Variants in R3HDM1 observed in about 807,000 individuals in gnomAD.
R3HDM1 encodes R3H domain-containing protein 1.
R3HDM1 carries 46 observed loss-of-function variants against 141.1 expected under a neutral mutation model. That is an observed-to-expected ratio of 0.33 (90% CI 0.26 to 0.42). The LOEUF is 0.42. Ranked by LOEUF, R3HDM1 falls within the 10% of genes least tolerant of loss-of-function variation. The pLI is 1.00. For missense variants in R3HDM1, 1,184 were observed against 1,368.3 expected, an observed-to-expected ratio of 0.87 and a Z score of 2.12; for synonymous variants, 435 against 472.9, an observed-to-expected ratio of 0.92 and a Z score of 1.04.
At chr2:135,688,893 AC>A (rs1458067707) in intron 21 of R3HDM1, among the ~76,000 whole-genome samples, 1 of 152,184 alleles carries the variant, frequency 6.6e-6, no homozygotes, top group African/African-American at 2.4e-5. Flanking sequence ...CCGAGATGGC[AC>A]CACTGCGCTC....
chr2:135,698,520 T>C (rs7580874), intron 21 of R3HDM1, among the ~76,000 whole-genome samples: 18,509 of 152,182 alleles, frequency 0.12, 2,852 homozygotes, highest in African/African-American at 0.36. Context: ...TGAAGTTACA[T>C]AGATAATTAT....
intron 18 of R3HDM1, 51 bp from the exon 19 acceptor site, chr2:135,661,219 A>G (rs774561896): frequency 2.5e-6 from 4 of 1,600,454 alleles, no homozygotes; most frequent in African/African-American, 1.3e-5. Flanking sequence ...ACAGAAAAAC[A>G]TATGTAATGC....
intron 1 of R3HDM1, among the ~76,000 whole-genome samples, chr2:135,577,780 A>G (rs1472500256): frequency 9.3e-5 from 14 of 149,850 alleles, no homozygotes; most frequent in African/African-American, 3.4e-4. Context: ...AGAGGTTACG[A>G]CGAGCCAAGA....
intron 1 of R3HDM1, among the ~76,000 whole-genome samples, chr2:135,571,779 A>G (rs1400293680): frequency 6.6e-6 from 1 of 151,906 alleles, no homozygotes; most frequent in Non-Finnish European, 1.5e-5. Context: ...GGCACACTCT[A>G]CCATACTGGC....
At chr2:135,646,329 G>T (rs1335499350) in intron 16 of R3HDM1, among the ~76,000 whole-genome samples, 1 of 150,616 alleles carries the variant, frequency 6.6e-6, no homozygotes, top group Non-Finnish European at 1.5e-5. Context: ...TAGAGACTGG[G>T]TTTCACCATG....
intron 21 of R3HDM1, among the ~76,000 whole-genome samples, chr2:135,690,528 A>T: frequency 6.6e-6 from 1 of 152,174 alleles, no homozygotes; most frequent in East Asian, 1.9e-4. Flanking sequence ...TTTTAAACTG[A>T]GCAAACCAAT....
chr2:135,691,897 T>C (rs1277285618), intron 21 of R3HDM1, among the ~76,000 whole-genome samples: 1 of 152,066 alleles, frequency 6.6e-6, no homozygotes, highest in Non-Finnish European at 1.5e-5. Context: ...ATATAATCAC[T>C]AGAGTTTTTG....
chr2:135,539,757 T>C (rs116182869), intron 1 of R3HDM1, among the ~76,000 whole-genome samples: 1,573 of 152,356 alleles, frequency 0.01, 25 homozygotes, highest in African/African-American at 0.036. Flanking sequence ...TTTTAAATAT[T>C]GCTAAAAAAT....
In R3HDM1 at chr2:135,654,902, G is replaced by GTGTGTGTGTGTGTA. The variant is rs57409498; in HGVS notation, c.2028+2871_2028+2872insGTGTGTGTGTGTAT. Among the ~76,000 whole-genome samples, 21 of 146,250 alleles carry GTGTGTGTGTGTGTA rather than the reference G, an allele frequency of 1.4e-4. No individual in the cohort carries two copies. In the South Asian group the frequency reaches 1.8e-3, roughly 12 times the overall value. ...TGTGTGTGTGTGTGTGTGTGTGTGTGTTTGTCTTTTTGTTATTGAGCTAAG... is the reference window on the plus strand; with the variant it reads ...TGTGTGTGTGTGTGTGTGTGTGTGTGTGTGTGTGTGTGTATTTGTCTTTTTGTTATTGAGCTAAG... On this transcript the variant is annotated intron_variant, in intron 18 of 26. Coordinates refer to ENST00000683871, the MANE Select transcript of R3HDM1 (RefSeq NM_001378107.1).
chr2:135,620,683 G>T (rs2061440833), intron 5 of R3HDM1: 1 of 946,064 alleles, frequency 1.1e-6, no homozygotes, highest in Admixed American at 6.2e-5. Flanking sequence ...TAGTAAAACT[G>T]GTGTAGAATT....
chr2:135,679,518 C>T (rs530722167), intron 20 of R3HDM1, among the ~76,000 whole-genome samples: 1 of 152,302 alleles, frequency 6.6e-6, no homozygotes, highest in East Asian at 1.9e-4. Flanking sequence ...TGACCCACTG[C>T]GTCTCACTGC....
At chr2:135,536,384 C>A in intron 1 of R3HDM1, 1 of 237,576 alleles carries the variant, frequency 4.2e-6, no homozygotes, top group Non-Finnish European at 6.8e-6. Flanking sequence ...TGGGCGCAAG[C>A]AATCCTCCTG....
intron 1 of R3HDM1, chr2:135,583,698 G>A (rs1370924562): frequency 3.1e-6 from 3 of 969,104 alleles, no homozygotes; most frequent in Admixed American, 6.2e-5. Flanking sequence ...TTTTTATTTA[G>A]AATGTATTAG....
chr2:135,721,021 T>A, intron 24 of R3HDM1, among the ~76,000 whole-genome samples: 1 of 152,174 alleles, frequency 6.6e-6, no homozygotes, highest in East Asian at 1.9e-4. Flanking sequence ...CTTAGATTCT[T>A]CCTCTTCCAT....
At chr2:135,560,136 T>A (rs929940551) in intron 1 of R3HDM1, among the ~76,000 whole-genome samples, 11 of 152,174 alleles carry the variant, frequency 7.2e-5, no homozygotes, top group African/African-American at 1.9e-4. Flanking sequence ...ACCTATTGAT[T>A]TTTCCACTCT....
At chr2:135,576,325 T>C (rs1358988924) in intron 1 of R3HDM1, among the ~76,000 whole-genome samples, 1 of 151,690 alleles carries the variant, frequency 6.6e-6, no homozygotes, top group Non-Finnish European at 1.5e-5. Flanking sequence ...GCCATGATAG[T>C]GCCACTGCAC....
chr2:135,595,113 C>A (rs1710326350), intron 1 of R3HDM1, among the ~76,000 whole-genome samples: 1 of 152,084 alleles, frequency 6.6e-6, no homozygotes, highest in South Asian at 2.1e-4. Flanking sequence ...GTCTATATAT[C>A]CAATTTTCTG....
At chr2:135,568,972 A>AGT (rs1703448234) in intron 1 of R3HDM1, among the ~76,000 whole-genome samples, 1 of 129,612 alleles carries the variant, frequency 7.7e-6, no homozygotes, top group Non-Finnish European at 1.5e-5. Context: ...CTGTATACCC[A>AGT]GTCACTCAAA....
At chr2:135,718,031 A>G (rs2076339671) in intron 24 of R3HDM1, among the ~76,000 whole-genome samples, 1 of 152,230 alleles carries the variant, frequency 6.6e-6, no homozygotes. Flanking sequence ...AGCTACTGAC[A>G]CACAACAACA....
Sources: allele counts gnomAD v4.1 joint callset (sites outside exome capture counted in the v4.1 genomes callset), GRCh38; gene constraint gnomAD v4.1.1; transcripts MANE v1.5; gene names NCBI Gene and HGNC (gene_info 2026-07-23, HGNC 2026-07-21).